PIGU: variants seen among roughly 807,000 people sequenced by gnomAD.
PIGU encodes the protein GPI-anchor transamidase component PIGU.
PIGU carries 24 observed loss-of-function variants against 49.9 expected under a neutral mutation model. The ratio of observed to expected loss-of-function variants is 0.48; its 90% CI spans 0.35 to 0.68. The LOEUF (loss-of-function observed/expected upper bound fraction) is 0.68. Ranked by LOEUF, PIGU falls within the 30% of genes least tolerant of loss-of-function variation. The pLI is 0.01. For missense variants in PIGU, 490 were observed against 532.6 expected, an observed-to-expected ratio of 0.92 and a Z score of 0.79; for synonymous variants, 220 against 205.7, an observed-to-expected ratio of 1.07 and a Z score of -0.59.
intron 1 of PIGU, 83 bp downstream of exon 1, chr20:34,676,873 C>T: frequency 6.6e-7 from 1 of 1,507,184 alleles, no homozygotes; most frequent in Non-Finnish European, 8.9e-7. Context: ...CGCGCGCTGG[C>T]GGTCACTGCC....
chr20:34,634,798 T>C, intron 5 of PIGU, 83 bp from the exon 6 acceptor site: 5 of 1,536,606 alleles, frequency 3.3e-6, no homozygotes, highest in Non-Finnish European at 4.4e-6. Context: ...CCAAGAGATT[T>C]ATTAAAAGCT....
chr20:34,668,485 G>GA (rs1383786806), intron 1 of PIGU, among the ~76,000 whole-genome samples: 2 of 98,766 alleles, frequency 2.0e-5, no homozygotes, highest in African/African-American at 8.5e-5. Context: ...AAAAAAAAAG[G>GA]GGGGGGCGGG....
chr20:34,673,762 T>C (rs185448626), intron 1 of PIGU, among the ~76,000 whole-genome samples: 21 of 152,314 alleles, frequency 1.4e-4, no homozygotes, highest in Non-Finnish European at 3.1e-4. Flanking sequence ...ACGTTAGAAT[T>C]CATACAGCTT....
chr20:34,653,446 C>T (rs1303325397), intron 2 of PIGU, among the ~76,000 whole-genome samples: 3 of 152,282 alleles, frequency 2.0e-5, no homozygotes, highest in African/African-American at 4.8e-5. Flanking sequence ...CATTTAGTAT[C>T]GCTATCTCTT....
At chr20:34,623,904 T>C (rs1003342581) in intron 6 of PIGU, among the ~76,000 whole-genome samples, 2 of 152,032 alleles carry the variant, frequency 1.3e-5, no homozygotes, top group South Asian at 2.1e-4. Context: ...ACTCCTTCCA[T>C]TGGCAGGGCT....
chr20:34,601,128 C>T (rs951404623), intron 7 of PIGU, among the ~76,000 whole-genome samples: 2 of 152,016 alleles, frequency 1.3e-5, no homozygotes, highest in African/African-American at 2.4e-5. Flanking sequence ...CCATTAGTGG[C>T]CCCCAAGTTT....
intron 2 of PIGU, among the ~76,000 whole-genome samples, chr20:34,653,889 G>A (rs1401497612): frequency 1.3e-4 from 20 of 151,098 alleles, no homozygotes; most frequent in Middle Eastern, 3.4e-3. Context: ...ACGGAGTCTC[G>A]CTCTGTCACC....
In PIGU at chr20:34,677,066, A is replaced by G. The variant is rs748930808; in HGVS notation, c.20T>C (p.Leu7Pro). Residue 7 changes from leucine to proline, a missense_variant, in exon 1 of 12, where the codon CTG (leucine) becomes CCG (proline). Physicochemically the swap from Leu to Pro is moderately conservative, Grantham distance 98. Transcript: ENST00000217446. The stretch of plus-strand genomic sequence containing the variant: ...CACTGTCACAGCCACCACCAGCACC[A>G]GGACCAAGGGAGCCGCCATGATAAC... MAAPLV[L>P]VLVVAVTVRA... The G allele has an allele frequency of 1.5e-5, 24 of 1,567,168 alleles. No homozygotes were observed. Among genetic ancestry groups the G allele is most frequent in the Admixed American group, 1.9e-5 (1 of 52,514 alleles).
rs1271605122 is a variant in PIGU at position 34,654,393 on chromosome 20, G to A, written c.195+2787C>T. Among the ~76,000 whole-genome samples the A allele has an allele frequency of 1.5e-4, 17 of 111,838 alleles. 4 individuals are homozygous for A. The Admixed American group carries it at 1.9e-3, about 12-fold the overall frequency. 73.4% of individuals were successfully genotyped at this position (111,838 alleles called of 152,430 possible). A position where few individuals can be genotyped will look rare whatever the true frequency, so the allele number is the denominator to read the frequency against. On this transcript the variant is annotated intron_variant, in intron 2 of 11. Coordinates refer to ENST00000217446, the MANE Select transcript of PIGU (RefSeq NM_080476.5). The stretch of plus-strand genomic sequence containing the variant: ...CAGGACAATCACTTGAATCCAGGGT[G>A]GGGGAAGGGGGAGGGGGTTGCAGAG...
At chr20:34,628,579 AG>A in intron 6 of PIGU, among the ~76,000 whole-genome samples, 1 of 152,276 alleles carries the variant, frequency 6.6e-6, no homozygotes, top group East Asian at 1.9e-4. Context: ...AACTGGGCGC[AG>A]TGGCTCACAC....
At chr20:34,593,201 G>A (rs1256207510) in intron 7 of PIGU, among the ~76,000 whole-genome samples, 1 of 152,068 alleles carries the variant, frequency 6.6e-6, no homozygotes, top group Non-Finnish European at 1.5e-5. Context: ...GTAGGGCATG[G>A]TGGCACATGT....
chr20:34,660,363 T>A (rs1194343699), intron 1 of PIGU, among the ~76,000 whole-genome samples: 3 of 152,190 alleles, frequency 2.0e-5, no homozygotes, highest in Non-Finnish European at 4.4e-5. Context: ...GGCAGGTGGA[T>A]CACCTGAGGT....
chr20:34,587,690 T>G (rs1355037564), intron 8 of PIGU, among the ~76,000 whole-genome samples: 1 of 152,238 alleles, frequency 6.6e-6, no homozygotes, highest in Non-Finnish European at 1.5e-5. Flanking sequence ...TTCTACTCTC[T>G]GCTTCTATGA....
chr20:34,636,784 C>T (rs771942541), intron 5 of PIGU, among the ~76,000 whole-genome samples: 12 of 152,112 alleles, frequency 7.9e-5, no homozygotes, highest in Non-Finnish European at 1.8e-4. Context: ...CAAATAAAGA[C>T]CTTAAATCCA....
At chr20:34,586,171 A>G (rs1983691841) in intron 8 of PIGU, among the ~76,000 whole-genome samples, 1 of 152,240 alleles carries the variant, frequency 6.6e-6, no homozygotes, top group Non-Finnish European at 1.5e-5. Context: ...AATCAGACAA[A>G]TATTTCGCTG....
intron 1 of PIGU, among the ~76,000 whole-genome samples, chr20:34,664,992 A>G (rs1459649027): frequency 6.6e-6 from 1 of 151,902 alleles, no homozygotes; most frequent in Admixed American, 6.6e-5. Flanking sequence ...AAAAAGAAAA[A>G]AAAAGTATAG....
intron 7 of PIGU, among the ~76,000 whole-genome samples, chr20:34,607,953 C>A (rs1290844032): frequency 6.6e-6 from 1 of 151,604 alleles, no homozygotes; most frequent in South Asian, 2.1e-4. Context: ...TTGCTTAGTT[C>A]TTTCCTTTTA....
At chr20:34,661,971 T>C (rs192909181) in intron 1 of PIGU, among the ~76,000 whole-genome samples, 416 of 152,272 alleles carry the variant, frequency 2.7e-3, no homozygotes, top group Non-Finnish European at 4.6e-3. Context: ...TGGTTTTGAT[T>C]TGCATTTCTC....
chr20:34,582,064 G>A (rs1340359528), intron 9 of PIGU, among the ~76,000 whole-genome samples: 3 of 152,140 alleles, frequency 2.0e-5, no homozygotes, highest in South Asian at 2.1e-4. Context: ...CCTTGCCAGA[G>A]GCCCCTCTGA....
Sources: allele counts gnomAD v4.1 joint callset (sites outside exome capture counted in the v4.1 genomes callset), GRCh38; gene constraint gnomAD v4.1.1; transcripts MANE v1.5; gene names NCBI Gene and HGNC (gene_info 2026-07-23, HGNC 2026-07-21).